TMEM132C: variants seen among roughly 807,000 people sequenced by gnomAD.
TMEM132C encodes the protein transmembrane protein 132C.
Under a neutral mutation model 61.4 loss-of-function variants are expected in TMEM132C, and 29 were observed. That is an observed-to-expected ratio of 0.47 (90% CI 0.35 to 0.64). The LOEUF (loss-of-function observed/expected upper bound fraction) is 0.64, where lower values mean the gene tolerates loss of function less well. TMEM132C is among the 30% of genes least tolerant of loss of function. TMEM132C has a pLI of 0.00. For missense variants in TMEM132C, 1,408 were observed against 1,476.9 expected, an observed-to-expected ratio of 0.95 and a Z score of 0.76; for synonymous variants, 656 against 633.1, an observed-to-expected ratio of 1.04 and a Z score of -0.54.
chr12:128,655,705 G>C (rs1051489935), intron 4 of TMEM132C, among the ~76,000 whole-genome samples: 24 of 152,082 alleles, frequency 1.6e-4, no homozygotes, highest in African/African-American at 5.8e-4. Context: ...AGCAGCCACA[G>C]AGAACAGTGG....
chr12:128,292,966 G>A (rs1049379728), intron 1 of TMEM132C, among the ~76,000 whole-genome samples: 6 of 149,848 alleles, frequency 4.0e-5, no homozygotes, highest in African/African-American at 1.5e-4. Flanking sequence ...GTGTGTGTGT[G>A]TATATGCAAG....
At chr12:128,451,579 A>T (rs1039624872) in intron 2 of TMEM132C, among the ~76,000 whole-genome samples, 7 of 152,252 alleles carry the variant, frequency 4.6e-5, no homozygotes, top group Admixed American at 4.6e-4. Flanking sequence ...ACTTGGCAGA[A>T]AATAAATACA....
chr12:128,604,804 T>TGTTA lies in TMEM132C; in HGVS notation c.1122-11347_1122-11346insTTAG. 2.0e-5 allele frequency among the ~76,000 whole-genome samples: 3 copies of TGTTA among 151,012 alleles called. No homozygotes were observed. In the South Asian group the frequency reaches 6.3e-4, roughly 32 times the overall value. On this transcript the variant is annotated intron_variant, in intron 3 of 8. Coordinates refer to ENST00000435159, the MANE Select transcript of TMEM132C (RefSeq NM_001136103.3). Reference sequence around the variant, plus strand: ...AGATAATGAATAGATAGTAGATAGATGATGGATGGATGGATGGATGGATAA... The same window carrying TGTTA: ...AGATAATGAATAGATAGTAGATAGATGTTAGATGGATGGATGGATGGATGGATAA...
chr12:128,664,689 G>A (rs137956962), intron 4 of TMEM132C, among the ~76,000 whole-genome samples: 453 of 152,300 alleles, frequency 3.0e-3, no homozygotes, highest in Non-Finnish European at 5.1e-3. Flanking sequence ...TGGGGCCAGA[G>A]GAAAGGCAGC....
intron 1 of TMEM132C, among the ~76,000 whole-genome samples, chr12:128,403,148 A>G (rs1875227034): frequency 6.6e-6 from 1 of 152,248 alleles, no homozygotes; most frequent in East Asian, 1.9e-4. Flanking sequence ...TTTTGTTTCA[A>G]TAAAAAGGAA....
intron 1 of TMEM132C, among the ~76,000 whole-genome samples, chr12:128,322,698 C>T (rs1279751150): frequency 6.6e-6 from 1 of 152,182 alleles, no homozygotes; most frequent in Non-Finnish European, 1.5e-5. Context: ...CCAAAAGACC[C>T]TTGTGAAGCA....
intron 2 of TMEM132C, among the ~76,000 whole-genome samples, chr12:128,504,228 C>G (rs1467448165): frequency 2.0e-5 from 3 of 152,130 alleles, no homozygotes; most frequent in Non-Finnish European, 2.9e-5. Context: ...CCATTGATGA[C>G]CCAGCCTGCT....
chr12:128,279,804 A>G (rs992199018), intron 1 of TMEM132C, among the ~76,000 whole-genome samples: 1 of 152,090 alleles, frequency 6.6e-6, no homozygotes, highest in Non-Finnish European at 1.5e-5. Context: ...TTCTCTTTGC[A>G]CTTATCACCT....
intron 1 of TMEM132C, among the ~76,000 whole-genome samples, chr12:128,308,333 C>T (rs1239945245): frequency 6.7e-6 from 1 of 150,258 alleles, no homozygotes; most frequent in Non-Finnish European, 1.5e-5. Flanking sequence ...TCTTATCAAA[C>T]ATATCACCCT....
At chr12:128,315,416 G>A (rs1488492785) in intron 1 of TMEM132C, among the ~76,000 whole-genome samples, 2 of 152,080 alleles carry the variant, frequency 1.3e-5, no homozygotes, top group Non-Finnish European at 2.9e-5. Flanking sequence ...TAAAATTAGA[G>A]GCTAGCTGAG....
intron 2 of TMEM132C, among the ~76,000 whole-genome samples, chr12:128,509,213 A>G (rs1872491079): frequency 6.6e-6 from 1 of 152,236 alleles, no homozygotes; most frequent in Admixed American, 6.5e-5. Flanking sequence ...TACCTGGGAA[A>G]AGGAAACACA....
chr12:128,594,980 G>A (rs899401811), intron 3 of TMEM132C, among the ~76,000 whole-genome samples: 8 of 152,206 alleles, frequency 5.3e-5, no homozygotes, highest in Non-Finnish European at 8.8e-5. Context: ...TGAAGGGAAC[G>A]AGCTTCGGTG....
chr12:128,538,261 C>T (rs1261498050), intron 2 of TMEM132C, among the ~76,000 whole-genome samples: 1 of 151,930 alleles, frequency 6.6e-6, no homozygotes, highest in East Asian at 1.9e-4. Flanking sequence ...GCTGGGATTA[C>T]AGGTCCCTCC....
chr12:128,515,945 A>G (rs1593082368), intron 2 of TMEM132C, among the ~76,000 whole-genome samples: 1 of 152,280 alleles, frequency 6.6e-6, no homozygotes, highest in Middle Eastern at 3.4e-3. Flanking sequence ...AGGATACAGG[A>G]TTATAGGATG....
chr12:128,338,700 A>G (rs1260371149), intron 1 of TMEM132C, among the ~76,000 whole-genome samples: 1 of 150,408 alleles, frequency 6.6e-6, no homozygotes, highest in Non-Finnish European at 1.5e-5. Context: ...CAGCTGTCTG[A>G]TCAGCTAACT....
At chr12:128,347,397 GTCTCTCTCTCTCTCTCTCTCTCTC>G (rs55729184) in intron 1 of TMEM132C, among the ~76,000 whole-genome samples, 8 of 135,524 alleles carry the variant, frequency 5.9e-5, no homozygotes, top group African/African-American at 1.8e-4. Context: ...GCATATGTAT[GTCTCTCTCTCTCTCTCTCTCTCTC>G]TCTCTCTCTC....
intron 2 of TMEM132C, among the ~76,000 whole-genome samples, chr12:128,453,907 T>TA (rs934323383): frequency 1.3e-5 from 2 of 152,180 alleles, no homozygotes; most frequent in African/African-American, 2.4e-5. Context: ...GTTCGATTTT[T>TA]AAAAAAATCC....
chr12:128,661,523 C>T (rs770258915), intron 4 of TMEM132C, among the ~76,000 whole-genome samples: 3 of 150,630 alleles, frequency 2.0e-5, no homozygotes, highest in Non-Finnish European at 4.4e-5. Context: ...TGTACCCTCT[C>T]AACCCAGCAA....
At chr12:128,683,477 G>A (rs1215400322) in intron 5 of TMEM132C, among the ~76,000 whole-genome samples, 2 of 152,194 alleles carry the variant, frequency 1.3e-5, no homozygotes, top group Admixed American at 1.3e-4. Context: ...TAAGTGAGAG[G>A]TTAAGTGAGG....
Sources: allele counts gnomAD v4.1 joint callset (sites outside exome capture counted in the v4.1 genomes callset), GRCh38; gene constraint gnomAD v4.1.1; transcripts MANE v1.5; gene names NCBI Gene and HGNC (gene_info 2026-07-23, HGNC 2026-07-21).